AEN: variants seen among roughly 807,000 people sequenced by gnomAD.
AEN encodes the protein apoptosis enhancing nuclease, also known as apoptosis-enhancing nuclease.
In AEN, 21 loss-of-function variants were observed where a neutral mutation model predicts 17.7. The ratio of observed to expected loss-of-function variants is 1.19; its 90% CI spans 0.84 to 1.71. The LOEUF (loss-of-function observed/expected upper bound fraction) is 1.71, where lower values mean the gene tolerates loss of function less well. AEN is among the 40% of genes most tolerant of loss of function. The pLI is 0.00. For synonymous variants in AEN, 190 were observed against 173.0 expected (o/e 1.10, Z -0.77); for missense variants, 462 against 435.9 (o/e 1.06, Z -0.53).
In AEN at chr15:88,629,358, G is replaced by C. The variant is rs780362012; in HGVS notation, c.673G>C (p.Gly225Arg). Residue 225 changes from glycine to arginine, a missense_variant, in exon 3 of 4, where the codon GGC becomes CGC. Gly to Arg is a moderately radical substitution (Grantham distance 125, BLOSUM62 -2). Transcript: ENST00000332810. ...TGTCCCAAACTTCCTCAGCGAGCCCGGCCTCCACACCCGGGCCCGGGTCTC... is the reference window on the plus strand; with the variant it reads ...TGTCCCAAACTTCCTCAGCGAGCCCCGCCTCCACACCCGGGCCCGGGTCTC... ...TYVPNFLSEPGLHTRARVSLK... is the reference protein window; with the variant it reads ...TYVPNFLSEPRLHTRARVSLK... The C allele has an allele frequency of 1.2e-4, 201 of 1,613,966 alleles. No homozygotes were observed. Among genetic ancestry groups the C allele is most frequent in the Non-Finnish European group, 1.6e-4 (189 of 1,180,016 alleles).
At chr15:88,629,153 G>C (rs2057892321) in intron 2 of AEN, 73 bp from the exon 3 acceptor site, 1 of 1,474,382 alleles carries the variant, frequency 6.8e-7, no homozygotes, top group Non-Finnish European at 9.4e-7. Flanking sequence ...TTGGCCAGGG[G>C]TTCTCAGGGC....
At position 88,631,171 on chromosome 15, in the gene AEN, G is replaced by T. The variant is rs1246327283; in HGVS notation, c.*877G>T. On this transcript the variant is annotated 3_prime_UTR_variant, in exon 4 of 4. Coordinates refer to ENST00000332810, the MANE Select transcript of AEN (RefSeq NM_022767.4). ...CAGTGGTTTGAATTCTGGGGCCTTT[G>T]TGTAGGATTGTGCCTGACCTTTATT... is the stretch of plus-strand genomic sequence containing the variant. 1 of 456,586 alleles carries T rather than the reference G, an allele frequency of 2.2e-6. No homozygotes were observed. Among genetic ancestry groups the T allele is most frequent in the Non-Finnish European group, 4.4e-6 (1 of 226,962 alleles). 28.3% of individuals were successfully genotyped at this position (456,586 alleles called of 1,614,324 possible).
the AEN span, among the ~76,000 whole-genome samples, chr15:88,612,571 TTTTA>T: frequency 0.19 from 27,071 of 140,236 alleles, 2,834 homozygotes; most frequent in Middle Eastern, 0.25. Flanking sequence ...TTTCCCAGCC[TTTTA>T]TTTATTTATT....
intron 1 of AEN, among the ~76,000 whole-genome samples, chr15:88,625,459 C>T (rs2057839135): frequency 6.6e-6 from 1 of 152,154 alleles, no homozygotes; most frequent in African/African-American, 2.4e-5. Flanking sequence ...GAGCTGTGAT[C>T]ACGCCACTGC....
chr15:88,610,477 G>A, the AEN span, among the ~76,000 whole-genome samples: 27 of 152,214 alleles, frequency 1.8e-4, no homozygotes, highest in Non-Finnish European at 4.4e-5. Flanking sequence ...TCTGGGGGAG[G>A]AACACCTCTC....
chr15:88,612,193 C>A, the AEN span, among the ~76,000 whole-genome samples: 1 of 152,146 alleles, frequency 6.6e-6, no homozygotes, highest in Non-Finnish European at 1.5e-5. Flanking sequence ...TACTAATTCC[C>A]CCAACAATCA....
upstream of AEN, among the ~76,000 whole-genome samples, chr15:88,618,968 A>C (rs1217975117): frequency 6.6e-6 from 1 of 151,990 alleles, no homozygotes; most frequent in Admixed American, 6.6e-5. Context: ...CTCCACATTT[A>C]TTTATTTTTG....
At chr15:88,612,036 C>G in the AEN span, 1 of 400,022 alleles carries the variant, frequency 2.5e-6, no homozygotes, top group African/African-American at 2.2e-5. Flanking sequence ...AGGTCACCAC[C>G]CTAAACACCC....
At chr15:88,626,905 A>G (rs755687354) in intron 2 of AEN, 156 bp downstream of exon 2, 3 of 798,640 alleles carry the variant, frequency 3.8e-6, no homozygotes, top group Non-Finnish European at 5.8e-6. Flanking sequence ...AGAACAGGGG[A>G]AATAAAAATA....
At chr15:88,626,053 C>G in intron 1 of AEN, 93 bp from the exon 2 acceptor site, 3 of 840,682 alleles carry the variant, frequency 3.6e-6, no homozygotes, top group Non-Finnish European at 5.3e-6. Flanking sequence ...CTCGGGCATC[C>G]CCACCGTGGT....
chr15:88,608,058 T>G, the AEN span: 1 of 491,508 alleles, frequency 2.0e-6, no homozygotes, highest in Non-Finnish European at 4.3e-6. Context: ...CTGCTTATTT[T>G]CTTTATGGAC....
intron 2 of AEN, chr15:88,627,917 G>A (rs953168250): frequency 6.6e-6 from 1 of 152,016 alleles, no homozygotes; most frequent in African/African-American, 2.4e-5. Context: ...AACACTTCTG[G>A]GTTATTCTTG....
At chr15:88,610,706 G>T in the AEN span, among the ~76,000 whole-genome samples, 1 of 152,208 alleles carries the variant, frequency 6.6e-6, no homozygotes, top group Non-Finnish European at 1.5e-5. Context: ...AGGATGGAAG[G>T]GTGGGCTAAA....
chr15:88,606,336 G>A, the AEN span, among the ~76,000 whole-genome samples: 1 of 151,950 alleles, frequency 6.6e-6, no homozygotes, highest in Non-Finnish European at 1.5e-5. Context: ...GCCGAGGTAA[G>A]AAGCACATTT....
rs939563613 is a variant in AEN, at chr15:88,622,462, C to T, written c.-65+1080C>T. On this transcript the variant is annotated intron_variant, in intron 1 of 3. Coordinates refer to ENST00000332810, the MANE Select transcript of AEN (RefSeq NM_022767.4). Reference sequence around the variant, plus strand: ...TTGGCTTTTAATCAGCTGGAAGCATCGGCAGACTAGCATCTCAAAATCCGA... The same window carrying T: ...TTGGCTTTTAATCAGCTGGAAGCATTGGCAGACTAGCATCTCAAAATCCGA... 2.6e-4 allele frequency among the ~76,000 whole-genome samples: 39 copies of T among 152,160 alleles called. 2 individuals carry two copies. The highest frequency in any genetic ancestry group is 1.0e-4 in the Non-Finnish European group (7 of 68,042).
chr15:88,606,328 C>T, the AEN span, among the ~76,000 whole-genome samples: 22 of 151,158 alleles, frequency 1.5e-4, no homozygotes, highest in African/African-American at 5.4e-4. Flanking sequence ...ATATTGAAGC[C>T]GAGGTAAGAA....
At chr15:88,614,556 G>A in the AEN span, among the ~76,000 whole-genome samples, 2 of 152,082 alleles carry the variant, frequency 1.3e-5, no homozygotes, top group African/African-American at 2.4e-5. Flanking sequence ...AAACCTCGGC[G>A]ATACAAGGGT....
chr15:88,619,228 A>T (rs2057761771), upstream of AEN, among the ~76,000 whole-genome samples: 1 of 152,180 alleles, frequency 6.6e-6, no homozygotes, highest in Non-Finnish European at 1.5e-5. Context: ...TTTATTTCCC[A>T]AGGTAATGCA....
At chr15:88,612,102 G>A in the AEN span, among the ~76,000 whole-genome samples, 7 of 152,338 alleles carry the variant, frequency 4.6e-5, no homozygotes, top group Non-Finnish European at 8.8e-5. Context: ...GGGAAGTGGG[G>A]CAGGGTCTCT....
Sources: gnomAD v4.1 joint callset for allele counts (sites outside exome capture counted in the v4.1 genomes callset) on GRCh38, gnomAD v4.1.1 for gene constraint, MANE v1.5 for transcripts, NCBI Gene and HGNC (gene_info 2026-07-23, HGNC 2026-07-21) for gene names.